The following LYRM4 variants were observed in gnomAD, a reference collection of about 807,000 sequenced individuals.
LYRM4 encodes the protein LYR motif containing 4.
A neutral mutation model predicts 11.7 loss-of-function variants in LYRM4; 9 were observed. That is an observed-to-expected ratio of 0.77 (90% CI 0.46 to 1.34). The LOEUF (loss-of-function observed/expected upper bound fraction) is 1.34, where lower values mean the gene tolerates loss of function less well. Ranked by LOEUF, LYRM4 falls within the 40% of genes most tolerant of loss-of-function variation. The pLI, the probability that LYRM4 is intolerant of heterozygous loss-of-function variation, is 0.00. For synonymous variants in LYRM4, 42 were observed against 40.4 expected (o/e 1.04, Z -0.15); for missense variants, 133 against 112.5 (o/e 1.18, Z -0.82).
At chr6:5,157,075 T>TA (rs1253155777) in intron 2 of LYRM4, among the ~76,000 whole-genome samples, 4 of 152,196 alleles carry the variant, frequency 2.6e-5, no homozygotes, top group African/African-American at 4.8e-5. Context: ...AGCACTGAGC[T>TA]ACAAGGTCAG....
intron 1 of LYRM4, chr6:5,218,492 T>C (rs1231053169): frequency 3.8e-6 from 2 of 521,996 alleles, no homozygotes; most frequent in Admixed American, 1.3e-4. Flanking sequence ...CAGGTCTATT[T>C]GCATTTAAAA....
At chr6:5,184,776 A>G (rs768719211) in intron 2 of LYRM4, among the ~76,000 whole-genome samples, 2 of 152,192 alleles carry the variant, frequency 1.3e-5, no homozygotes, top group Non-Finnish European at 2.9e-5. Context: ...TCTGTGCTAA[A>G]AAAGACAGTC....
chr6:5,208,403 T>C (rs538432384), intron 2 of LYRM4, among the ~76,000 whole-genome samples: 1 of 152,326 alleles, frequency 6.6e-6, no homozygotes, highest in East Asian at 1.9e-4. Flanking sequence ...AATTCCACAG[T>C]GAATGATATG....
chr6:5,156,857 C>T (rs921294144), intron 2 of LYRM4, among the ~76,000 whole-genome samples: 4 of 152,200 alleles, frequency 2.6e-5, no homozygotes, highest in African/African-American at 9.7e-5. Context: ...TCTGCAGCTG[C>T]TCATGAACCT....
intron 1 of LYRM4, among the ~76,000 whole-genome samples, chr6:5,219,298 T>TA (rs1441647220): frequency 6.6e-6 from 1 of 152,240 alleles, no homozygotes; most frequent in African/African-American, 2.4e-5. Context: ...GATATTCTGC[T>TA]ATGTATACTT....
intron 2 of LYRM4, among the ~76,000 whole-genome samples, chr6:5,123,834 C>G (rs536520963): frequency 6.6e-6 from 1 of 152,344 alleles, no homozygotes; most frequent in South Asian, 2.1e-4. Flanking sequence ...TGGTGACAGG[C>G]CACCATCGAG....
intron 2 of LYRM4, among the ~76,000 whole-genome samples, chr6:5,119,416 A>T (rs900191595): frequency 1.3e-5 from 2 of 152,122 alleles, no homozygotes; most frequent in Non-Finnish European, 2.9e-5. Context: ...TCAATCATGA[A>T]CACGCAGTTG....
the LYRM4 span, among the ~76,000 whole-genome samples, chr6:5,039,540 G>A: frequency 1.3e-5 from 2 of 152,092 alleles, no homozygotes; most frequent in Non-Finnish European, 2.9e-5. Context: ...CACCAAATTC[G>A]CAATTTGAAC....
intron 2 of LYRM4, among the ~76,000 whole-genome samples, chr6:5,120,930 C>T (rs912204149): frequency 7.2e-5 from 11 of 152,192 alleles, no homozygotes; most frequent in Non-Finnish European, 1.3e-4. Context: ...CTCAGTAGGA[C>T]CTAGGTGGCC....
intron 2 of LYRM4, among the ~76,000 whole-genome samples, chr6:5,116,634 C>T (rs1457489247): frequency 1.3e-5 from 2 of 152,180 alleles, no homozygotes; most frequent in Non-Finnish European, 2.9e-5. Context: ...CCCAAATTGA[C>T]TTATACAGCC....
chr6:5,129,422 T>C (rs1763843446), intron 2 of LYRM4, among the ~76,000 whole-genome samples: 1 of 152,156 alleles, frequency 6.6e-6, no homozygotes, highest in Non-Finnish European at 1.5e-5. Context: ...TCTGTTTCCT[T>C]GTCTTTTCCA....
chr6:5,166,857 T>A (rs1413714759), intron 2 of LYRM4, among the ~76,000 whole-genome samples: 1 of 152,256 alleles, frequency 6.6e-6, no homozygotes, highest in Non-Finnish European at 1.5e-5. Context: ...TAAGTTGTTA[T>A]ATTCAAGGGA....
intron 2 of LYRM4, among the ~76,000 whole-genome samples, chr6:5,190,660 A>G (rs1760700014): frequency 6.6e-6 from 1 of 151,978 alleles, no homozygotes; most frequent in South Asian, 2.1e-4. Context: ...AAAAATTCCT[A>G]TCATCTAGTA....
At chr6:5,093,208 GA>G in the LYRM4 span, among the ~76,000 whole-genome samples, 3 of 152,226 alleles carry the variant, frequency 2.0e-5, no homozygotes, top group Non-Finnish European at 4.4e-5. Context: ...AATTAAAGAT[GA>G]ATTTATGTAT....
intron 2 of LYRM4, among the ~76,000 whole-genome samples, chr6:5,214,639 G>A (rs1362486532): frequency 6.6e-6 from 1 of 152,218 alleles, no homozygotes; most frequent in Non-Finnish European, 1.5e-5. Flanking sequence ...AGAGAACAGT[G>A]TGCAAGAATA....
chr6:5,235,110 A>G (rs889391782), intron 1 of LYRM4, among the ~76,000 whole-genome samples: 3 of 152,146 alleles, frequency 2.0e-5, no homozygotes, highest in African/African-American at 7.2e-5. Flanking sequence ...AGGACCTGCT[A>G]TGCTTTGCAC....
At chr6:5,108,310 G>A (rs757322620), downstream of LYRM4, 6 of 347,170 alleles carry the variant, frequency 1.7e-5, no homozygotes, top group Non-Finnish European at 2.4e-5. Flanking sequence ...GTATGCAAAG[G>A]GAAACAAGAA....
At chr6:5,249,206 A>G (rs976887164) in intron 1 of LYRM4, among the ~76,000 whole-genome samples, 4 of 152,236 alleles carry the variant, frequency 2.6e-5, no homozygotes, top group African/African-American at 9.6e-5. Context: ...AGTAGTCTCA[A>G]TTTACAGATG....
At chr6:5,157,923 C>T (rs1307877106) in intron 2 of LYRM4, among the ~76,000 whole-genome samples, 2 of 152,222 alleles carry the variant, frequency 1.3e-5, no homozygotes, top group Non-Finnish European at 1.5e-5. Flanking sequence ...TCTGCACTGT[C>T]GGCAGGCCCT....
Sources: allele counts gnomAD v4.1 joint callset (sites outside exome capture counted in the v4.1 genomes callset), GRCh38; gene constraint gnomAD v4.1.1; transcripts MANE v1.5; gene names NCBI Gene and HGNC (gene_info 2026-07-23, HGNC 2026-07-21).